The following ZNF385D variants were observed in gnomAD, a reference collection of about 807,000 sequenced individuals.
ZNF385D encodes zinc finger protein 385D.
A neutral mutation model predicts 35.8 loss-of-function variants in ZNF385D; 15 were observed. The ratio of observed to expected loss-of-function variants is 0.42; its 90% CI spans 0.28 to 0.64. The LOEUF (loss-of-function observed/expected upper bound fraction) is 0.64. Ranked by LOEUF, ZNF385D falls within the 30% of genes least tolerant of loss-of-function variation. ZNF385D has a pLI of 0.23. For synonymous variants in ZNF385D, 212 were observed against 186.8 expected (o/e 1.13, Z -1.10); for missense variants, 474 against 494.6 (o/e 0.96, Z 0.39).
chr3:21,858,389 T>C (rs1047941816), intron 3 of ZNF385D, among the ~76,000 whole-genome samples: 1 of 151,760 alleles, frequency 6.6e-6, no homozygotes, highest in Non-Finnish European at 1.5e-5. Context: ...TGAATGTTTA[T>C]GTCCCCCCTA....
At chr3:22,146,955 A>T (rs1257860335) in intron 3 of ZNF385D, among the ~76,000 whole-genome samples, 3 of 152,192 alleles carry the variant, frequency 2.0e-5, no homozygotes, top group African/African-American at 7.2e-5. Flanking sequence ...AATGGAGATA[A>T]AACAGAAAAT....
intron 3 of ZNF385D, among the ~76,000 whole-genome samples, chr3:21,761,473 A>G (rs77086395): frequency 0.034 from 5,239 of 152,336 alleles, 162 homozygotes; most frequent in Non-Finnish European, 0.049. Context: ...CAGCTAAGAC[A>G]GATATAGGAT....
chr3:21,807,466 A>G (rs2072706102), intron 3 of ZNF385D, among the ~76,000 whole-genome samples: 1 of 152,160 alleles, frequency 6.6e-6, no homozygotes, highest in Non-Finnish European at 1.5e-5. Flanking sequence ...TTTAAAAGTA[A>G]AGAGAAAACC....
At chr3:21,657,286 T>G (rs2066100191) in intron 2 of ZNF385D, among the ~76,000 whole-genome samples, 2 of 152,064 alleles carry the variant, frequency 1.3e-5, no homozygotes, top group South Asian at 2.1e-4. Flanking sequence ...ATTCAAAGAG[T>G]AAACAAGGAT....
chr3:21,694,042 CTTTTT>C lies in ZNF385D; in HGVS notation c.23-29019_23-29015del, dbSNP rs35586361. Among the ~76,000 whole-genome samples the C allele has an allele frequency of 2.3e-4, 5 of 22,170 alleles. 2 individuals carry two copies. The highest frequency in any genetic ancestry group is 1.0e-3 in the Admixed American group (2 of 2,002). The allele number at this position is 22,170 out of a possible 152,430, so 14.5% of individuals were successfully genotyped here. On this transcript the variant is annotated intron_variant, in intron 1 of 7. Transcript: ENST00000281523. ...TACAGGCGCGTGCCACTACGCCTGGCTTTTTTTTTTTTTTTTTTTGAGACAGAGTC... is the reference window on the plus strand; with the variant it reads ...TACAGGCGCGTGCCACTACGCCTGGCTTTTTTTTTTTTTTGAGACAGAGTC...
At chr3:21,749,282 C>G (rs933044795) in intron 1 of ZNF385D, among the ~76,000 whole-genome samples, 6 of 152,180 alleles carry the variant, frequency 3.9e-5, no homozygotes, top group African/African-American at 1.4e-4. Context: ...GCCCACTGAA[C>G]ATTTCTCCAA....
intron 3 of ZNF385D, among the ~76,000 whole-genome samples, chr3:21,895,852 T>C (rs1699107830): frequency 6.6e-6 from 1 of 152,122 alleles, no homozygotes; most frequent in Admixed American, 6.6e-5. Context: ...ATCTTGGACG[T>C]ATGGCAGGGA....
At chr3:22,064,874 G>A (rs1210689892) in intron 3 of ZNF385D, among the ~76,000 whole-genome samples, 1 of 152,142 alleles carries the variant, frequency 6.6e-6, no homozygotes, top group African/African-American at 2.4e-5. Flanking sequence ...TGCACAGCAT[G>A]GTGATTACAG....
intron 3 of ZNF385D, among the ~76,000 whole-genome samples, chr3:21,904,427 A>G (rs1699571975): frequency 6.6e-6 from 1 of 151,968 alleles, no homozygotes; most frequent in Non-Finnish European, 1.5e-5. Context: ...TTTTGGGATT[A>G]CTGAATATGT....
intron 3 of ZNF385D, among the ~76,000 whole-genome samples, chr3:21,549,633 A>G (rs2062499531): frequency 1.3e-5 from 2 of 152,210 alleles, no homozygotes; most frequent in South Asian, 2.1e-4. Context: ...TGACAGCCCA[A>G]CTGAAACTCA....
chr3:21,687,760 G>C (rs930562677), intron 1 of ZNF385D, among the ~76,000 whole-genome samples: 1 of 152,006 alleles, frequency 6.6e-6, no homozygotes, highest in Admixed American at 6.6e-5. Context: ...AAATTCATAG[G>C]AAATAAATAT....
At chr3:21,867,124 G>A (rs1316917079) in intron 3 of ZNF385D, among the ~76,000 whole-genome samples, 2 of 152,190 alleles carry the variant, frequency 1.3e-5, no homozygotes, top group East Asian at 3.9e-4. Context: ...TGTTAGAAGG[G>A]AGGGGGGCAA....
chr3:21,759,568 T>C (rs2070507519), intron 3 of ZNF385D, among the ~76,000 whole-genome samples: 1 of 152,112 alleles, frequency 6.6e-6, no homozygotes, highest in South Asian at 2.1e-4. Flanking sequence ...CAAAGACATT[T>C]GGTGACACAA....
At chr3:21,841,336 C>T (rs1438315787) in intron 3 of ZNF385D, among the ~76,000 whole-genome samples, 1 of 151,982 alleles carries the variant, frequency 6.6e-6, no homozygotes, top group Admixed American at 6.6e-5. Context: ...TACAGTGTTG[C>T]TATAAATATC....
intron 2 of ZNF385D, among the ~76,000 whole-genome samples, chr3:22,339,821 C>T (rs907562911): frequency 4.6e-5 from 7 of 152,176 alleles, no homozygotes; most frequent in Admixed American, 4.6e-4. Flanking sequence ...GTAGTTTCTG[C>T]AGCCAGCTTT....
Position 21,476,019 on chromosome 3 carries a change from A to G in ZNF385D, c.439+34842T>C, listed in dbSNP as rs561661736. On this transcript the variant is annotated intron_variant, in intron 4 of 7. Transcript: ENST00000281523. ...ATTGCTTTCTCAGAAGTTGCTGGTC[A>G]TATGGATTAGGAGATAGAGCACAGT... 3.9e-5 allele frequency among the ~76,000 whole-genome samples: 6 copies of G among 152,272 alleles called. No homozygotes were observed. The East Asian group carries it at 5.8e-4, about 15-fold the overall frequency.
chr3:21,780,644 T>C (rs1381901799), intron 3 of ZNF385D, among the ~76,000 whole-genome samples: 1 of 152,110 alleles, frequency 6.6e-6, no homozygotes, highest in African/African-American at 2.4e-5. Context: ...TACTAAAGCA[T>C]GAAGTATCTT....
At chr3:21,698,162 G>T (rs2067538011) in intron 1 of ZNF385D, among the ~76,000 whole-genome samples, 1 of 152,132 alleles carries the variant, frequency 6.6e-6, no homozygotes, top group African/African-American at 2.4e-5. Flanking sequence ...GTTTATTGCA[G>T]CACTATTCAC....
intron 3 of ZNF385D, among the ~76,000 whole-genome samples, chr3:21,949,935 TTTTC>T (rs1344008391): frequency 6.6e-6 from 1 of 152,178 alleles, no homozygotes; most frequent in African/African-American, 2.4e-5. Context: ...ATGTGCCACA[TTTTC>T]TTTATCTAGT....
Sources: allele counts gnomAD v4.1 joint callset (sites outside exome capture counted in the v4.1 genomes callset), GRCh38; gene constraint gnomAD v4.1.1; transcripts MANE v1.5; gene names NCBI Gene and HGNC (gene_info 2026-07-23, HGNC 2026-07-21).